Variants in NXPE2 observed in about 807,000 individuals in gnomAD.
NXPE2 encodes the protein NXPE family member 2.
In NXPE2, 34 loss-of-function variants were observed where a neutral mutation model predicts 34.4. That is an observed-to-expected ratio of 0.99 (90% CI 0.75 to 1.31). NXPE2 has a LOEUF of 1.31. NXPE2 is among the 40% of genes most tolerant of loss of function. The pLI, the probability that NXPE2 is intolerant of heterozygous loss-of-function variation, is 0.00. For synonymous variants in NXPE2, 235 were observed against 231.3 expected, an observed-to-expected ratio of 1.02 and a Z score of -0.15; for missense variants, 649 against 672.5, an observed-to-expected ratio of 0.97 and a Z score of 0.39.
chr11:114,563,598 C>T, the NXPE2 span, among the ~76,000 whole-genome samples: 1 of 152,086 alleles, frequency 6.6e-6, no homozygotes, highest in African/African-American at 2.4e-5. Flanking sequence ...TATCCAGAAT[C>T]TACAAGGAAC....
At chr11:114,745,165 G>T in the NXPE2 span, among the ~76,000 whole-genome samples, 1 of 152,130 alleles carries the variant, frequency 6.6e-6, no homozygotes. Flanking sequence ...TAGTTTGTTT[G>T]TGTTGCTATA....
the NXPE2 span, chr11:114,522,982 T>C: frequency 6.2e-7 from 1 of 1,613,752 alleles, no homozygotes; most frequent in Non-Finnish European, 8.5e-7. Context: ...TAATTGTGTC[T>C]AACTGAACCT....
chr11:114,672,148 G>C, the NXPE2 span, among the ~76,000 whole-genome samples: 6 of 152,074 alleles, frequency 3.9e-5, no homozygotes, highest in Admixed American at 1.3e-4. Context: ...CCACCCCCAT[G>C]ATTCAATCAC....
chr11:114,706,213 T>G (rs1951469800), intron 5 of NXPE2, among the ~76,000 whole-genome samples, 182 bp from the exon 6 acceptor site: 1 of 152,168 alleles, frequency 6.6e-6, no homozygotes, highest in Non-Finnish European at 1.5e-5. Context: ...TCTTCATGTA[T>G]TCTCATAACA....
At chr11:114,524,779 A>T in the NXPE2 span, among the ~76,000 whole-genome samples, 2 of 152,284 alleles carry the variant, frequency 1.3e-5, no homozygotes, top group African/African-American at 4.8e-5. Context: ...CCACGTCTCA[A>T]ACTTATAACA....
At chr11:114,504,196 C>A in the NXPE2 span, among the ~76,000 whole-genome samples, 1 of 152,186 alleles carries the variant, frequency 6.6e-6, no homozygotes, top group Non-Finnish European at 1.5e-5. Context: ...ACCCCCCAAC[C>A]CCCAGTGATG....
At chr11:114,602,050 TATTA>T in the NXPE2 span, among the ~76,000 whole-genome samples, 2 of 93,826 alleles carry the variant, frequency 2.1e-5, no homozygotes, top group Non-Finnish European at 3.7e-5. Context: ...ATATATATTA[TATTA>T]TATATATTAT....
the NXPE2 span, among the ~76,000 whole-genome samples, chr11:114,523,320 C>G: frequency 1.3e-5 from 2 of 152,066 alleles, no homozygotes; most frequent in African/African-American, 4.8e-5. Flanking sequence ...TCCTTTCCTC[C>G]TAAATTTGGT....
chr11:114,674,040 A>G (rs971919702), upstream of NXPE2, among the ~76,000 whole-genome samples: 22 of 151,782 alleles, frequency 1.4e-4, no homozygotes, highest in Non-Finnish European at 2.5e-4. Flanking sequence ...TGGAGATTAA[A>G]AATTTCAAAA....
the NXPE2 span, among the ~76,000 whole-genome samples, chr11:114,549,401 A>G: frequency 3.9e-5 from 6 of 152,038 alleles, no homozygotes; most frequent in Admixed American, 2.6e-4. Flanking sequence ...AAAATAATAC[A>G]TCATAATTCA....
chr11:114,578,944 A>T, the NXPE2 span, among the ~76,000 whole-genome samples: 26 of 152,204 alleles, frequency 1.7e-4, no homozygotes, highest in Non-Finnish European at 2.9e-4. Flanking sequence ...TAAACACTTT[A>T]TATCCATTAC....
At chr11:114,482,739 C>T in the NXPE2 span, among the ~76,000 whole-genome samples, 1 of 152,220 alleles carries the variant, frequency 6.6e-6, no homozygotes, top group African/African-American at 2.4e-5. Flanking sequence ...CCTTCCACCA[C>T]TGTATTTTGA....
chr11:114,495,579 C>A, the NXPE2 span, among the ~76,000 whole-genome samples: 2 of 151,710 alleles, frequency 1.3e-5, no homozygotes, highest in Non-Finnish European at 2.9e-5. Flanking sequence ...CAAGCAGAAG[C>A]AGTATCTTCC....
the NXPE2 span, among the ~76,000 whole-genome samples, chr11:114,657,209 C>T: frequency 5.3e-5 from 8 of 152,184 alleles, no homozygotes; most frequent in African/African-American, 1.7e-4. Context: ...CTGATGCCTT[C>T]TCTGTCTTTC....
chr11:114,469,264 A>T, the NXPE2 span, among the ~76,000 whole-genome samples: 1 of 148,970 alleles, frequency 6.7e-6, no homozygotes, highest in South Asian at 2.2e-4. Context: ...GGCGCCTGCC[A>T]CCATGCCCAG....
At chr11:114,765,547 ATTTTT>A in the NXPE2 span, among the ~76,000 whole-genome samples, 1 of 152,084 alleles carries the variant, frequency 6.6e-6, no homozygotes, top group Admixed American at 6.6e-5. Flanking sequence ...CTTTATTGTG[ATTTTT>A]TTGTTTTATT....
At chr11:114,571,272 G>A in the NXPE2 span, 1 of 1,613,924 alleles carries the variant, frequency 6.2e-7, no homozygotes, top group Non-Finnish European at 8.5e-7. Context: ...CTGGCCCAGG[G>A]AAATAACAAT....
At chr11:114,628,844 C>G in the NXPE2 span, among the ~76,000 whole-genome samples, 2 of 151,840 alleles carry the variant, frequency 1.3e-5, no homozygotes, top group Admixed American at 6.6e-5. Flanking sequence ...GGGGATATCA[C>G]CACCGATCCC....
chr11:114,640,296 T>C, the NXPE2 span, among the ~76,000 whole-genome samples: 1 of 145,744 alleles, frequency 6.9e-6, no homozygotes, highest in South Asian at 2.1e-4. Flanking sequence ...TTGTTCATTT[T>C]AAATTTTTAT....
Sources: gnomAD v4.1 joint callset for allele counts (sites outside exome capture counted in the v4.1 genomes callset) on GRCh38, gnomAD v4.1.1 for gene constraint, MANE v1.5 for transcripts, NCBI Gene and HGNC (gene_info 2026-07-23, HGNC 2026-07-21) for gene names.